The following MAF variants were observed in gnomAD, a reference collection of about 807,000 sequenced individuals.
MAF encodes the protein MAF bZIP transcription factor.
A neutral mutation model predicts 22.0 loss-of-function variants in MAF; 10 were observed. The observed-to-expected ratio is 0.45, with a 90% CI of 0.28 to 0.77. MAF has a LOEUF of 0.77. Among genes scored for constraint, MAF ranks in the 30% least tolerant of loss-of-function variants. MAF has a pLI of 0.12. For synonymous variants in MAF, 337 were observed against 255.8 expected, an observed-to-expected ratio of 1.32 and a Z score of -3.03; for missense variants, 544 against 548.4, an observed-to-expected ratio of 0.99 and a Z score of 0.08.
chr16:79,353,614 T>C, the MAF span, among the ~76,000 whole-genome samples: 71 of 152,200 alleles, frequency 4.7e-4, no homozygotes, highest in African/African-American at 1.6e-3. Flanking sequence ...GCTAGGATCC[T>C]GGTGTTCCTG....
At chr16:79,443,375 A>G in the MAF span, among the ~76,000 whole-genome samples, 3 of 152,110 alleles carry the variant, frequency 2.0e-5, no homozygotes, top group African/African-American at 7.2e-5. Flanking sequence ...CATCCTCTCC[A>G]TCACCTCCAG....
chr16:79,361,393 C>T, the MAF span, among the ~76,000 whole-genome samples: 1 of 152,186 alleles, frequency 6.6e-6, no homozygotes, highest in Non-Finnish European at 1.5e-5. Context: ...GTTGGAACTT[C>T]TCAATAATGT....
chr16:79,391,675 T>C, the MAF span, among the ~76,000 whole-genome samples: 1 of 152,080 alleles, frequency 6.6e-6, no homozygotes, highest in African/African-American at 2.4e-5. Context: ...TAGGTGGGCA[T>C]CCGCCTCCAG....
downstream of MAF, among the ~76,000 whole-genome samples, chr16:79,582,893 G>C (rs1278486448): frequency 1.3e-5 from 2 of 152,216 alleles, no homozygotes; most frequent in African/African-American, 4.8e-5. Flanking sequence ...GGGGCCTTCA[G>C]TGAAGATGGG....
At chr16:79,366,683 C>T in the MAF span, among the ~76,000 whole-genome samples, 14 of 152,188 alleles carry the variant, frequency 9.2e-5, no homozygotes, top group East Asian at 2.7e-3. Context: ...TTATCTCTCC[C>T]ATGATAACTA....
At chr16:79,562,093 TC>T in the MAF span, among the ~76,000 whole-genome samples, 10 of 152,132 alleles carry the variant, frequency 6.6e-5, no homozygotes, top group East Asian at 3.9e-4. Context: ...TGGAAAACAT[TC>T]CCCCTTTCCA....
the MAF span, among the ~76,000 whole-genome samples, chr16:79,284,994 C>T: frequency 1.2e-4 from 19 of 152,346 alleles, 1 homozygote; most frequent in South Asian, 2.1e-3. Context: ...AAACGTACGG[C>T]ATCACATGTA....
the MAF span, among the ~76,000 whole-genome samples, chr16:79,420,867 C>G: frequency 1.3e-5 from 2 of 152,120 alleles, no homozygotes; most frequent in Admixed American, 6.5e-5. Flanking sequence ...CCTGCCGTCT[C>G]TACTAAAAAC....
downstream of MAF, among the ~76,000 whole-genome samples, chr16:79,584,909 G>C (rs1912746214): frequency 6.6e-6 from 1 of 152,140 alleles, no homozygotes; most frequent in South Asian, 2.1e-4. Flanking sequence ...GAAAAAATGA[G>C]GCTATGTTTT....
chr16:79,583,825 T>C (rs1912675315), downstream of MAF, among the ~76,000 whole-genome samples: 2 of 152,184 alleles, frequency 1.3e-5, no homozygotes, highest in Admixed American at 6.5e-5. Context: ...TGGAAAAATT[T>C]ACATCAGGTA....
At chr16:79,406,367 G>A in the MAF span, among the ~76,000 whole-genome samples, 1 of 152,158 alleles carries the variant, frequency 6.6e-6, no homozygotes, top group African/African-American at 2.4e-5. Context: ...AGACTGAGTG[G>A]CTTATATCAA....
At chr16:79,361,684 T>C in the MAF span, among the ~76,000 whole-genome samples, 1 of 151,030 alleles carries the variant, frequency 6.6e-6, no homozygotes, top group South Asian at 2.1e-4. Context: ...AGATTGGTTT[T>C]TTTTTCTTTT....
the MAF span, among the ~76,000 whole-genome samples, chr16:79,208,800 A>ATAT: frequency 6.6e-6 from 1 of 152,218 alleles, no homozygotes; most frequent in South Asian, 2.1e-4. Context: ...ACATCTGATC[A>ATAT]TATTAAGATG....
chr16:79,417,657 T>A, the MAF span, among the ~76,000 whole-genome samples: 1 of 152,146 alleles, frequency 6.6e-6, no homozygotes, highest in Non-Finnish European at 1.5e-5. Context: ...TGCTTCCCCT[T>A]CTTGGAGCAG....
At chr16:79,493,273 C>T in the MAF span, among the ~76,000 whole-genome samples, 3 of 152,180 alleles carry the variant, frequency 2.0e-5, no homozygotes, top group South Asian at 6.2e-4. Context: ...ACCTTTGCCT[C>T]CTGGGTTGAA....
the MAF span, among the ~76,000 whole-genome samples, chr16:79,355,271 G>C: frequency 6.6e-6 from 1 of 152,222 alleles, no homozygotes; most frequent in African/African-American, 2.4e-5. Flanking sequence ...ATCTATGGCT[G>C]AACTTGATGG....
the MAF span, among the ~76,000 whole-genome samples, chr16:79,342,432 A>C: frequency 2.0e-5 from 3 of 152,152 alleles, no homozygotes; most frequent in East Asian, 1.9e-4. Flanking sequence ...ACTTTTTAAC[A>C]CTTCTCCAAA....
At chr16:79,234,784 T>C in the MAF span, among the ~76,000 whole-genome samples, 3 of 152,122 alleles carry the variant, frequency 2.0e-5, no homozygotes, top group Non-Finnish European at 4.4e-5. Context: ...AAGCCAGTCC[T>C]GCCTGAGGTG....
chr16:79,215,890 GC>G, the MAF span, among the ~76,000 whole-genome samples: 1 of 152,084 alleles, frequency 6.6e-6, no homozygotes, highest in South Asian at 2.1e-4. Context: ...ATGAACTGAG[GC>G]CCCGTAACAG....
Sources: gnomAD v4.1 joint callset for allele counts (sites outside exome capture counted in the v4.1 genomes callset) on GRCh38, gnomAD v4.1.1 for gene constraint, MANE v1.5 for transcripts, NCBI Gene and HGNC (gene_info 2026-07-23, HGNC 2026-07-21) for gene names.